SLC2A3: variants seen among roughly 807,000 people sequenced by gnomAD.
SLC2A3 encodes the protein solute carrier family 2 member 3, also known as solute carrier family 2, facilitated glucose transporter member 3.
Under a neutral mutation model 46.4 loss-of-function variants are expected in SLC2A3, and 21 were observed. The observed-to-expected ratio is 0.45, with a 90% CI of 0.32 to 0.65. SLC2A3 has a LOEUF of 0.65. Among genes scored for constraint, SLC2A3 ranks in the 30% least tolerant of loss-of-function variants. The pLI is 0.04. For missense variants in SLC2A3, 499 were observed against 623.3 expected (o/e 0.80, Z 2.12); for synonymous variants, 213 against 239.4 (o/e 0.89, Z 1.02).
intron 1 of SLC2A3, among the ~76,000 whole-genome samples, chr12:7,934,282 C>T (rs1318292872): frequency 2.6e-5 from 4 of 152,072 alleles, no homozygotes; most frequent in Non-Finnish European, 4.4e-5. Context: ...ATTGACCATT[C>T]TGGAAACAAA....
chr12:7,928,829 A>C (rs1465030810), intron 6 of SLC2A3, among the ~76,000 whole-genome samples: 5 of 140,704 alleles, frequency 3.6e-5, no homozygotes, highest in African/African-American at 1.2e-4. Context: ...ATTTCCTCCC[A>C]AGTTTTTTTT....
Position 7,933,109 on chromosome 12 carries a change from C to A in SLC2A3, c.147G>T (p.Lys49Asn), listed in dbSNP as rs1422051086. Residue 49 changes from lysine to asparagine, a missense_variant, in exon 3 of 10, where the codon AAG becomes AAT. Around this residue, in one of 5 missense-constraint regions of SLC2A3, gnomAD observed 248 missense variants for 284.0 expected, o/e 0.87. Transcript: ENST00000075120. ...KEFINKTLTDKGNAPPSEVLL... is the reference protein window; with the variant it reads ...KEFINKTLTDNGNAPPSEVLL... ...GCACCTCAGAGGGTGGGGCATTTCC[C>A]TTGTCCGTCAAAGTTTTATTGATAA... 6.2e-7 allele frequency: 1 copy of A among 1,614,082 alleles called. No individual in the cohort carries two copies. The highest frequency in any genetic ancestry group is 1.1e-5 in the South Asian group (1 of 91,068).
At chr12:7,928,323 A>G (rs10772855) in intron 6 of SLC2A3, among the ~76,000 whole-genome samples, 130,595 of 151,442 alleles carry the variant, frequency 0.86, 56,403 homozygotes, top group East Asian at 0.97. Flanking sequence ...GCTTGAACCC[A>G]GGAGGTGGAG....
intron 1 of SLC2A3, among the ~76,000 whole-genome samples, chr12:7,935,211 TG>T (rs757701714): frequency 4.6e-5 from 7 of 152,122 alleles, no homozygotes; most frequent in Non-Finnish European, 1.0e-4. Context: ...CTCAGCACCT[TG>T]GGAGGCCGAG....
intron 6 of SLC2A3, among the ~76,000 whole-genome samples, chr12:7,927,204 T>C (rs1322148711): frequency 6.6e-6 from 1 of 152,190 alleles, no homozygotes; most frequent in African/African-American, 2.4e-5. Context: ...AGAGTCATTA[T>C]TGAAAAACCT....
At position 7,924,460 on chromosome 12, in the gene SLC2A3, C is replaced by T; in HGVS notation, c.1018G>A (p.Gly340Arg). 6.2e-7 allele frequency: 1 copy of T among 1,610,604 alleles called. No homozygotes were observed. Among genetic ancestry groups the T allele is most frequent in the Non-Finnish European group, 8.5e-7 (1 of 1,179,190 alleles). ...AGCGTGGAACAAAAAGCCATCCCTC[C>T]AAGGCCTATCATATGCAGAGTCCTT... is the stretch of plus-strand genomic sequence containing the variant. ...GRRTLHMIGL[G>R]GMAFCSTLMT... is the part of the protein sequence containing the mutation. Residue 340 changes from glycine to arginine, a missense_variant, in exon 8 of 10, where the codon GGA (glycine) becomes AGA (arginine). Gly to Arg is a moderately radical substitution (Grantham distance 125). Around this residue, in one of 5 missense-constraint regions of SLC2A3, gnomAD observed 179 missense variants for 205.1 expected, o/e 0.87. Coordinates refer to ENST00000075120, the MANE Select transcript of SLC2A3 (RefSeq NM_006931.3).
At chr12:7,930,941 T>C (rs1240191020) in intron 4 of SLC2A3, among the ~76,000 whole-genome samples, 4 of 151,568 alleles carry the variant, frequency 2.6e-5, no homozygotes, top group Admixed American at 6.6e-5. Context: ...GGACTACAGG[T>C]GCCCGCTACC....
At position 7,930,471 on chromosome 12, in the gene SLC2A3, G is replaced by C. The variant is rs199777164; in HGVS notation, c.673+9C>G. 6.2e-6 allele frequency: 10 copies of C among 1,611,842 alleles called. No homozygotes were observed. Among genetic ancestry groups the C allele is most frequent in the South Asian group, 1.1e-5 (1 of 90,994 alleles). ...ATAATTCATGTAGTAAGGTGTGAAG[G>C]ATACTCACTCTGCTTAGCATTCTCC... On this transcript the variant is annotated intron_variant, in intron 5 of 9. Transcript: ENST00000075120.
chr12:7,930,439 C>T (rs1056521520), intron 5 of SLC2A3, 41 bp downstream of exon 5: 3 of 1,588,016 alleles, frequency 1.9e-6, no homozygotes, highest in Non-Finnish European at 2.6e-6. Flanking sequence ...AAACAAACCA[C>T]AACCATATAA....
chr12:7,930,376 TGA>T, intron 5 of SLC2A3, 102 bp downstream of exon 5: 2 of 1,226,412 alleles, frequency 1.6e-6, no homozygotes, highest in Non-Finnish European at 2.3e-6. Flanking sequence ...ACTTGGATTC[TGA>T]GAGGCAGGGA....
intron 1 of SLC2A3, among the ~76,000 whole-genome samples, chr12:7,934,465 T>A (rs1334493091): frequency 1.3e-5 from 2 of 151,736 alleles, no homozygotes; most frequent in Admixed American, 6.6e-5. Context: ...AGTCTTCGTT[T>A]ATTAAATACA....
Position 7,932,987 on chromosome 12 carries a change from C to G in SLC2A3, c.269G>C (p.Arg90Thr), listed in dbSNP as rs1270428275. 3 of 1,613,876 alleles carry G rather than the reference C, an allele frequency of 1.9e-6. No homozygotes were observed. Among genetic ancestry groups the G allele is most frequent in the African/African-American group, 2.7e-5 (2 of 74,896 alleles). ...SVGLFVNRFG[R>T]RNSMLIVNLL... ...TCCTTGCCCAGTTTCTAGTCAATAC[C>G]TGCCAAAGCGGTTGACGAAGAGTCC... Residue 90 changes from arginine (R) to threonine (T), a missense_variant and splice_region_variant, in exon 3 of 10, where the codon AGG becomes ACG. Physicochemically the swap from Arg to Thr is moderately conservative, Grantham distance 71. Coordinates refer to ENST00000075120, the MANE Select transcript of SLC2A3 (RefSeq NM_006931.3).
Position 7,922,929 on chromosome 12 carries a change from A to T in SLC2A3, c.1164T>A (p.Ile388=), listed in dbSNP as rs1946054096. The T allele has an allele frequency of 6.2e-7, 1 of 1,614,062 alleles. No homozygotes were observed. The highest frequency in any genetic ancestry group is 1.3e-5 in the African/African-American group (1 of 74,930). The change falls in exon 9 of 10, where the codon ATT becomes ATA. Residue 388 remains isoleucine (I), a synonymous_variant. Transcript: ENST00000075120. ...GGCCCTGGCTGAAGAGTTCGGCCAC[A>T]ATAAACCAGGGAATGGGGCCTGGTC... ...EIGPGPIPWF[I]VAELFSQGPR...
At chr12:7,926,373 G>A (rs950452685) in intron 6 of SLC2A3, among the ~76,000 whole-genome samples, 12 of 152,136 alleles carry the variant, frequency 7.9e-5, no homozygotes, top group African/African-American at 2.7e-4. Context: ...TTACAGGCAT[G>A]AGCCACCGCA....
intron 3 of SLC2A3, among the ~76,000 whole-genome samples, chr12:7,932,146 C>T (rs1946162495): frequency 6.6e-6 from 1 of 151,166 alleles, no homozygotes. Context: ...TCCCAAAGTG[C>T]TGGGATTACA....
At chr12:7,935,807 C>T (rs900850137) in intron 1 of SLC2A3, among the ~76,000 whole-genome samples, 22 of 152,038 alleles carry the variant, frequency 1.4e-4, no homozygotes, top group Admixed American at 6.6e-5. Context: ...ACAACTTCTC[C>T]GGGTGACTTT....
rs1946171063 is a variant in SLC2A3, at chr12:7,932,836, C to CCA, written c.269+150_269+151insTG. On this transcript the variant is annotated intron_variant, in intron 3 of 9. Transcript: ENST00000075120. ...TAGTAGAGCTCCAAGCAAGGGCAGT[C>CCA]ATATTCGGGGCCAGTTGGACTAGGT... 4 of 1,145,614 alleles carry CCA rather than the reference C, an allele frequency of 3.5e-6. No individual in the cohort carries two copies. In the Admixed American group the frequency reaches 8.1e-5, roughly 23 times the overall value. 71.0% of individuals were successfully genotyped at this position (1,145,614 alleles called of 1,614,324 possible). A position where few individuals can be genotyped will look rare whatever the true frequency, so the allele number is the denominator to read the frequency against.
chr12:7,933,764 A>G, intron 2 of SLC2A3, 46 bp downstream of exon 2: 1 of 1,589,336 alleles, frequency 6.3e-7, no homozygotes, highest in Non-Finnish European at 8.6e-7. Flanking sequence ...ACTTAAAGGA[A>G]TAACTTCCCT....
At chr12:7,923,752 G>A (rs990887326) in intron 8 of SLC2A3, among the ~76,000 whole-genome samples, 4 of 150,098 alleles carry the variant, frequency 2.7e-5, no homozygotes, top group African/African-American at 4.9e-5. Context: ...GAACCACTGC[G>A]CCCAGCCAGG....
Sources: gnomAD v4.1 joint callset for allele counts (sites outside exome capture counted in the v4.1 genomes callset) on GRCh38, gnomAD v4.1.1 for gene constraint, gnomAD v4.1.1 regional missense constraint, MANE v1.5 for transcripts, NCBI Gene and HGNC (gene_info 2026-07-23, HGNC 2026-07-21) for gene names.